The following WWOX variants were observed in gnomAD, a reference collection of about 807,000 sequenced individuals.
WWOX encodes WW domain containing oxidoreductase.
WWOX carries 69 observed loss-of-function variants against 46.2 expected under a neutral mutation model. The observed-to-expected ratio is 1.49, with a 90% CI of 1.23 to 1.82. The LOEUF (loss-of-function observed/expected upper bound fraction) is 1.82, where lower values mean the gene tolerates loss of function less well. Among genes scored for constraint, WWOX ranks in the 40% most tolerant of loss-of-function variants. The pLI is 0.00. For synonymous variants in WWOX, 359 were observed against 202.6 expected, an observed-to-expected ratio of 1.77 and a Z score of -6.56; for missense variants, 919 against 542.6, an observed-to-expected ratio of 1.69 and a Z score of -6.89.
At chr16:78,718,267 AT>A (rs2048614864) in intron 8 of WWOX, among the ~76,000 whole-genome samples, 1 of 151,816 alleles carries the variant, frequency 6.6e-6, no homozygotes, top group East Asian at 1.9e-4. Context: ...GACCATATGC[AT>A]TTCCATGTTA....
chr16:78,351,669 G>C (rs2074550474), intron 5 of WWOX, among the ~76,000 whole-genome samples: 2 of 152,118 alleles, frequency 1.3e-5, no homozygotes, highest in Non-Finnish European at 2.9e-5. Flanking sequence ...TTTTTTGTTA[G>C]TTTTTGAGAC....
intron 6 of WWOX, among the ~76,000 whole-genome samples, chr16:78,388,807 T>G (rs2082115197): frequency 1.3e-5 from 2 of 150,836 alleles, no homozygotes; most frequent in African/African-American, 4.9e-5. Context: ...CCGTCTCTAC[T>G]AAAAATGCAA....
chr16:78,912,717 C>G (rs1187013404), intron 8 of WWOX, among the ~76,000 whole-genome samples: 12 of 151,992 alleles, frequency 7.9e-5, no homozygotes, highest in Admixed American at 7.9e-4. Flanking sequence ...ACTTTATGGT[C>G]TTTACTTGTG....
chr16:78,946,321 C>G (rs189812577), intron 8 of WWOX, among the ~76,000 whole-genome samples: 119 of 152,162 alleles, frequency 7.8e-4, no homozygotes, highest in Admixed American at 4.6e-3. Flanking sequence ...TCCCAAGTAG[C>G]TGGGATTACA....
intron 8 of WWOX, among the ~76,000 whole-genome samples, chr16:79,096,286 T>A (rs1885694723): frequency 6.6e-6 from 1 of 152,102 alleles, no homozygotes; most frequent in Non-Finnish European, 1.5e-5. Flanking sequence ...TTTCTCCTGC[T>A]CCGAACTTTC....
At chr16:78,138,708 G>C (rs1330785108) in intron 4 of WWOX, among the ~76,000 whole-genome samples, 1 of 152,214 alleles carries the variant, frequency 6.6e-6, no homozygotes, top group Non-Finnish European at 1.5e-5. Flanking sequence ...CCTGCCTTCA[G>C]TAGCAATCAC....
chr16:78,768,693 AGT>A (rs1287120374), intron 8 of WWOX, among the ~76,000 whole-genome samples: 1 of 151,804 alleles, frequency 6.6e-6, no homozygotes, highest in African/African-American at 2.4e-5. Flanking sequence ...TGGGGAGTGT[AGT>A]TTGTCACTCT....
intron 5 of WWOX, 141 bp downstream of exon 5, chr16:78,164,430 G>C: frequency 1.3e-6 from 1 of 795,654 alleles, no homozygotes; most frequent in Non-Finnish European, 2.1e-6. Context: ...CACTTTGTTT[G>C]TCTTATGAAT....
intron 6 of WWOX, among the ~76,000 whole-genome samples, chr16:78,420,664 T>TTTTA (rs1410598139): frequency 1.3e-5 from 2 of 151,990 alleles, no homozygotes; most frequent in East Asian, 3.9e-4. Context: ...TTTTTTTTTT[T>TTTTA]TTTTGAGTTA....
Position 78,470,353 on chromosome 16 carries a change from T to G in WWOX, c.1056+37601T>G, listed in dbSNP as rs554369312. On this transcript the variant is annotated intron_variant, in intron 8 of 8. Transcript: ENST00000566780. ...TACATCTTTGCCTCACCTGATGTAT[T>G]GTTTGTTTAAAATCACTTTGGATTC... 2.0e-5 allele frequency among the ~76,000 whole-genome samples: 3 copies of G among 152,334 alleles called. No homozygotes were observed. The South Asian group carries it at 6.2e-4, about 32-fold the overall frequency.
chr16:78,985,440 T>C (rs2046765824), intron 8 of WWOX, among the ~76,000 whole-genome samples: 1 of 152,116 alleles, frequency 6.6e-6, no homozygotes, highest in African/African-American at 2.4e-5. Context: ...CTAGTACAGA[T>C]CTCTCCCTGT....
chr16:78,658,867 G>T lies in WWOX; in HGVS notation c.1056+226115G>T, dbSNP rs12924498. 1.3e-4 allele frequency among the ~76,000 whole-genome samples: 20 copies of T among 149,934 alleles called. 1 individual carries two copies. The East Asian group carries it at 3.6e-3, about 27-fold the overall frequency. The stretch of plus-strand genomic sequence containing the variant: ...AGAATTTTGGGAGGCCGAGGCAGGC[G>T]GATCACTTGAGGTCAGGAGTTTGAG... On this transcript the variant is annotated intron_variant, in intron 8 of 8. Coordinates refer to ENST00000566780, the MANE Select transcript of WWOX (RefSeq NM_016373.4).
chr16:78,662,753 C>G (rs2047246950), intron 8 of WWOX, among the ~76,000 whole-genome samples: 1 of 152,176 alleles, frequency 6.6e-6, no homozygotes, highest in Non-Finnish European at 1.5e-5. Flanking sequence ...GAAGGATCCA[C>G]TTCCAAGCTG....
At chr16:78,420,972 T>C (rs2082914180) in intron 6 of WWOX, among the ~76,000 whole-genome samples, 1 of 152,176 alleles carries the variant, frequency 6.6e-6, no homozygotes, top group South Asian at 2.1e-4. Flanking sequence ...TTGAGAAAGT[T>C]TGGGAACCTC....
At chr16:78,349,746 A>G (rs1181624839) in intron 5 of WWOX, among the ~76,000 whole-genome samples, 1 of 121,114 alleles carries the variant, frequency 8.3e-6, no homozygotes, top group African/African-American at 2.8e-5. Context: ...TGCAGGTGTC[A>G]CCGATGAAAC....
chr16:78,824,886 G>C (rs61565785), intron 8 of WWOX, among the ~76,000 whole-genome samples: 2,305 of 152,224 alleles, frequency 0.015, 57 homozygotes, highest in African/African-American at 0.052. Flanking sequence ...AGAACAGAGA[G>C]GAAGCGACAC....
At position 78,323,377 on chromosome 16, in the gene WWOX, T is replaced by G. The variant is rs1237764256; in HGVS notation, c.517-63483T>G. ...GCCTCAGCCTCCTAAAGTGCTGGGA[T>G]TACAGGCGTGAGCCACTGCGCCCGG... On this transcript the variant is annotated intron_variant, in intron 5 of 8. Coordinates refer to ENST00000566780, the MANE Select transcript of WWOX (RefSeq NM_016373.4). Among the ~76,000 whole-genome samples, 3 of 152,184 alleles carry G rather than the reference T, an allele frequency of 2.0e-5. No homozygotes were observed. In the East Asian group the frequency reaches 5.8e-4, roughly 29 times the overall value.
intron 8 of WWOX, among the ~76,000 whole-genome samples, chr16:79,111,088 C>T (rs928560185): frequency 6.6e-6 from 1 of 152,130 alleles, no homozygotes; most frequent in Non-Finnish European, 1.5e-5. Flanking sequence ...GTCACAGATG[C>T]TTTCACTGAA....
intron 5 of WWOX, among the ~76,000 whole-genome samples, chr16:78,169,915 G>C (rs1165567464): frequency 6.6e-6 from 1 of 152,152 alleles, no homozygotes; most frequent in East Asian, 1.9e-4. Context: ...TTGGGGACTG[G>C]CCATTAGTAT....
Sources: allele counts gnomAD v4.1 joint callset (sites outside exome capture counted in the v4.1 genomes callset), GRCh38; gene constraint gnomAD v4.1.1; transcripts MANE v1.5; gene names NCBI Gene and HGNC (gene_info 2026-07-23, HGNC 2026-07-21).